Variants in AFAP1 observed in about 807,000 individuals in gnomAD.
AFAP1 encodes actin filament associated protein 1.
AFAP1 carries 75 observed loss-of-function variants against 93.9 expected under a neutral mutation model. The observed-to-expected ratio is 0.80, with a 90% CI of 0.66 to 0.97. AFAP1 has a LOEUF of 0.97. Among genes scored for constraint, AFAP1 ranks in the 50% least tolerant of loss-of-function variants. The pLI, the probability that AFAP1 is intolerant of heterozygous loss-of-function variation, is 0.00. For synonymous variants in AFAP1, 517 were observed against 430.7 expected, an observed-to-expected ratio of 1.20 and a Z score of -2.48; for missense variants, 1,201 against 1,050.8, an observed-to-expected ratio of 1.14 and a Z score of -1.98.
chr4:7,770,835 G>T (rs867943114), intron 16 of AFAP1, among the ~76,000 whole-genome samples: 13 of 152,192 alleles, frequency 8.5e-5, no homozygotes, highest in African/African-American at 1.2e-4. Flanking sequence ...GACAAGCAGC[G>T]TGGGGGACTG....
intron 15 of AFAP1, chr4:7,773,556 C>G (rs764107595): frequency 6.5e-6 from 1 of 152,826 alleles, no homozygotes; most frequent in East Asian, 1.9e-4. Context: ...AAGAGGTGAA[C>G]GGACTTGTGC....
intron 1 of AFAP1, among the ~76,000 whole-genome samples, chr4:7,897,390 C>T (rs772928335): frequency 6.6e-6 from 1 of 152,204 alleles, no homozygotes; most frequent in Non-Finnish European, 1.5e-5. Flanking sequence ...CAGCCTCTTG[C>T]TAGCCCTGTG....
At chr4:7,868,158 T>C (rs560292622) in intron 3 of AFAP1, among the ~76,000 whole-genome samples, 1 of 151,848 alleles carries the variant, frequency 6.6e-6, no homozygotes, top group East Asian at 1.9e-4. Flanking sequence ...AATATGTACA[T>C]ATTTTTCTCT....
At chr4:7,935,092 C>T (rs73798025) in intron 1 of AFAP1, among the ~76,000 whole-genome samples, 1,982 of 152,268 alleles carry the variant, frequency 0.013, 47 homozygotes, top group African/African-American at 0.045. Flanking sequence ...CTTCTCTGTA[C>T]ATTAAACATT....
At chr4:7,909,803 A>G (rs1188231642) in intron 1 of AFAP1, among the ~76,000 whole-genome samples, 1 of 152,108 alleles carries the variant, frequency 6.6e-6, no homozygotes, top group East Asian at 1.9e-4. Context: ...TGCAGATTCT[A>G]TTTCAACTGG....
chr4:7,933,426 A>T (rs865946539), intron 1 of AFAP1, among the ~76,000 whole-genome samples: 1 of 152,130 alleles, frequency 6.6e-6, no homozygotes, highest in Non-Finnish European at 1.5e-5. Context: ...TACAAAAATT[A>T]GTCGGGCACA....
In AFAP1 at chr4:7,761,833, T is replaced by C. The variant is rs1713843034; in HGVS notation, c.*1932A>G. Reference sequence around the variant, plus strand: ...GCCTGCAATGGTGGGAAGTGACCACTGGAGGGAGGGCTCCTCTATGGCAAT... The same window carrying C: ...GCCTGCAATGGTGGGAAGTGACCACCGGAGGGAGGGCTCCTCTATGGCAAT... On this transcript the variant is annotated 3_prime_UTR_variant, in exon 18 of 18. Coordinates refer to ENST00000420658, the MANE Select transcript of AFAP1 (RefSeq NM_001134647.2). 1 of 152,296 alleles carries C rather than the reference T, an allele frequency of 6.6e-6. No homozygotes were observed. The highest frequency in any genetic ancestry group is 1.5e-5 in the Non-Finnish European group (1 of 68,092). The allele number at this position is 152,296 out of a possible 1,614,324, so 9.4% of individuals were successfully genotyped here. A position where few individuals can be genotyped will look rare whatever the true frequency, so the allele number is the denominator to read the frequency against.
chr4:7,915,767 C>T (rs1040708198), intron 1 of AFAP1, among the ~76,000 whole-genome samples: 2 of 152,260 alleles, frequency 1.3e-5, no homozygotes, highest in Non-Finnish European at 2.9e-5. Flanking sequence ...AGCCGCCCTG[C>T]GGCAAGCCCC....
chr4:7,832,911 C>T (rs1711804578), intron 6 of AFAP1, among the ~76,000 whole-genome samples: 1 of 152,112 alleles, frequency 6.6e-6, no homozygotes, highest in Non-Finnish European at 1.5e-5. Context: ...GAAAAGACAC[C>T]CTTTTCAACA....
intron 1 of AFAP1, among the ~76,000 whole-genome samples, chr4:7,877,300 C>T (rs62289340): frequency 0.33 from 50,809 of 152,152 alleles, 9,658 homozygotes; most frequent in Non-Finnish European, 0.44. Flanking sequence ...GTGAAAGGCA[C>T]TGTGCTGGCA....
At chr4:7,798,853 T>A in intron 10 of AFAP1, 14 of 960,254 alleles carry the variant, frequency 1.5e-5, no homozygotes, top group African/African-American at 1.8e-5. Context: ...CGAGCTTCTC[T>A]GTCTGGGCAC....
chr4:7,821,622 T>C (rs1170186701), intron 6 of AFAP1, among the ~76,000 whole-genome samples: 2 of 152,218 alleles, frequency 1.3e-5, no homozygotes, highest in African/African-American at 4.8e-5. Context: ...GGCAAAATTT[T>C]CAAAATGTCT....
chr4:7,866,193 A>C (rs746936332), intron 3 of AFAP1, among the ~76,000 whole-genome samples: 1 of 136,218 alleles, frequency 7.3e-6, no homozygotes, highest in Non-Finnish European at 1.5e-5. Context: ...CACTGCGCCC[A>C]GCAGGTTTTT....
chr4:7,890,329 G>C (rs557844865), intron 1 of AFAP1, among the ~76,000 whole-genome samples: 1 of 152,268 alleles, frequency 6.6e-6, no homozygotes, highest in East Asian at 1.9e-4. Context: ...ATGTCAGTAT[G>C]GGGAAAACTA....
intron 1 of AFAP1, chr4:7,872,349 C>A (rs112138036): frequency 2.7e-6 from 1 of 377,120 alleles, no homozygotes; most frequent in Non-Finnish European, 4.8e-6. Context: ...GATGGTGTGA[C>A]AACCCAAAGG....
intron 10 of AFAP1, among the ~76,000 whole-genome samples, chr4:7,796,830 C>T (rs978316344): frequency 6.6e-6 from 1 of 150,474 alleles, no homozygotes; most frequent in African/African-American, 2.5e-5. Flanking sequence ...GAGACCAAGG[C>T]GGGCAGTTCA....
intron 1 of AFAP1, among the ~76,000 whole-genome samples, chr4:7,916,607 C>G (rs372162565): frequency 5.9e-5 from 9 of 152,104 alleles, no homozygotes; most frequent in African/African-American, 1.9e-4. Flanking sequence ...TCCCCTCCCC[C>G]TCCTGCAGGA....
intron 3 of AFAP1, among the ~76,000 whole-genome samples, chr4:7,861,366 G>A (rs1715656547): frequency 1.3e-5 from 2 of 152,250 alleles, no homozygotes; most frequent in Middle Eastern, 3.4e-3. Context: ...GGAAACTGAG[G>A]ATAATAAAAT....
intron 1 of AFAP1, among the ~76,000 whole-genome samples, chr4:7,912,688 G>A (rs1719804303): frequency 6.6e-6 from 1 of 152,168 alleles, no homozygotes; most frequent in Non-Finnish European, 1.5e-5. Flanking sequence ...TCCTTTATCA[G>A]ACATGTGGCT....
Sources: gnomAD v4.1 joint callset for allele counts (sites outside exome capture counted in the v4.1 genomes callset) on GRCh38, gnomAD v4.1.1 for gene constraint, MANE v1.5 for transcripts, NCBI Gene and HGNC (gene_info 2026-07-23, HGNC 2026-07-21) for gene names.